SH3GLB1: variants seen among roughly 807,000 people sequenced by gnomAD.
The protein encoded by SH3GLB1 is SH3 domain containing GRB2 like, endophilin B1.
Under a neutral mutation model 42.0 loss-of-function variants are expected in SH3GLB1, and 17 were observed. The observed-to-expected ratio is 0.40, with a 90% CI of 0.28 to 0.61. The LOEUF (loss-of-function observed/expected upper bound fraction) is 0.61, where lower values mean the gene tolerates loss of function less well. Ranked by LOEUF, SH3GLB1 falls within the 20% of genes least tolerant of loss-of-function variation. The pLI, the probability that SH3GLB1 is intolerant of heterozygous loss-of-function variation, is 0.36. For missense variants in SH3GLB1, 355 were observed against 426.3 expected (o/e 0.83, Z 1.47); for synonymous variants, 132 against 146.6 (o/e 0.90, Z 0.72).
intron 2 of SH3GLB1, among the ~76,000 whole-genome samples, chr1:86,718,246 A>T (rs1654665525): frequency 6.6e-6 from 1 of 151,892 alleles, no homozygotes; most frequent in Non-Finnish European, 1.5e-5. Flanking sequence ...GGGTTTCACC[A>T]TGTCAGCCAG....
rs759669854 is a variant in SH3GLB1 at position 86,704,858 on chromosome 1, G to C, written c.-42G>C. On this transcript the variant is annotated 5_prime_UTR_variant, in exon 1 of 9. Transcript: ENST00000370558. ...AGCCCGGCCGCGGCACCTCCGCCTC[G>C]CCGCCGCTAGGTCGGCCGGCTCCGC... 3 of 1,446,254 alleles carry C rather than the reference G, an allele frequency of 2.1e-6. No individual in the cohort carries two copies. In the South Asian group the frequency reaches 3.8e-5, roughly 18 times the overall value. 89.6% of individuals were successfully genotyped at this position (1,446,254 alleles called of 1,614,324 possible). A position where few individuals can be genotyped will look rare whatever the true frequency, so the allele number is the denominator to read the frequency against.
intron 1 of SH3GLB1, 97 bp from the exon 2 acceptor site, chr1:86,715,627 A>G: frequency 8.3e-7 from 1 of 1,202,802 alleles, no homozygotes; most frequent in South Asian, 1.6e-5. Context: ...TTGTATGTTT[A>G]GGATTGTTTA....
Position 86,744,476 on chromosome 1 carries a change from G to T in SH3GLB1, c.*1241G>T, listed in dbSNP as rs1656206042. 6.6e-6 allele frequency: 1 copy of T among 152,154 alleles called. No homozygotes were observed. Among genetic ancestry groups the T allele is most frequent in the Non-Finnish European group, 1.5e-5 (1 of 68,024 alleles). The allele number at this position is 152,154 out of a possible 1,614,324, so 9.4% of individuals were successfully genotyped here. On this transcript the variant is annotated 3_prime_UTR_variant, in exon 9 of 9. Coordinates refer to ENST00000370558, the MANE Select transcript of SH3GLB1 (RefSeq NM_016009.5). ...ATAGTAGGATTCGTGGTGTGATGGG[G>T]AAAATACAAGGTACTGTATTTGGGA... is the stretch of plus-strand genomic sequence containing the variant.
intron 5 of SH3GLB1, among the ~76,000 whole-genome samples, chr1:86,733,518 G>T (rs1421292693): frequency 6.6e-6 from 1 of 151,774 alleles, no homozygotes; most frequent in Non-Finnish European, 1.5e-5. Flanking sequence ...TGCTGGAGAG[G>T]TAGTCAAACC....
intron 3 of SH3GLB1, among the ~76,000 whole-genome samples, chr1:86,720,008 A>C (rs1310454035): frequency 6.6e-6 from 1 of 151,634 alleles, no homozygotes; most frequent in African/African-American, 2.4e-5. Context: ...AAAAAAAAAA[A>C]AAAAAAAAAC....
chr1:86,736,206 G>T (rs1558332829), intron 7 of SH3GLB1, among the ~76,000 whole-genome samples: 1 of 152,246 alleles, frequency 6.6e-6, no homozygotes, highest in East Asian at 1.9e-4. Context: ...GTAAGTTGTT[G>T]TAAGGAGTTT....
At chr1:86,719,754 G>A (rs1654753791) in intron 3 of SH3GLB1, 119 bp downstream of exon 3, 1 of 959,340 alleles carries the variant, frequency 1.0e-6, no homozygotes, top group South Asian at 2.1e-5. Context: ...CCAGCACTTT[G>A]GGTGGTTGAG....
chr1:86,705,173 C>T (rs969905068), intron 1 of SH3GLB1, among the ~76,000 whole-genome samples: 1 of 152,154 alleles, frequency 6.6e-6, no homozygotes, highest in South Asian at 2.1e-4. Flanking sequence ...ACCGCCGCTC[C>T]CTGGGAAGCG....
At chr1:86,741,969 G>A (rs1368488765) in intron 7 of SH3GLB1, among the ~76,000 whole-genome samples, 1 of 152,004 alleles carries the variant, frequency 6.6e-6, no homozygotes, top group African/African-American at 2.4e-5. Flanking sequence ...AATATTATAA[G>A]GACAGTTTTG....
rs540253659 is a variant in SH3GLB1, at chr1:86,731,597, A to G, written c.571-3005A>G. Among the ~76,000 whole-genome samples, 3 of 152,324 alleles carry G rather than the reference A, an allele frequency of 2.0e-5. No homozygotes were observed. In the South Asian group the frequency reaches 6.2e-4, roughly 32 times the overall value. ...GAATGTCTTCCTCTTTGGCATAAAG[A>G]TATGCCAGAAAATTTCTGACTTGAT... On this transcript the variant is annotated intron_variant, in intron 5 of 8. Coordinates refer to ENST00000370558, the MANE Select transcript of SH3GLB1 (RefSeq NM_016009.5).
chr1:86,740,005 G>C (rs1409148700), intron 7 of SH3GLB1, among the ~76,000 whole-genome samples: 26 of 152,218 alleles, frequency 1.7e-4, no homozygotes, highest in Non-Finnish European at 1.5e-5. Flanking sequence ...AATTAACTGG[G>C]TGTGGAGGTG....
At chr1:86,709,975 A>C (rs866036576) in intron 1 of SH3GLB1, among the ~76,000 whole-genome samples, 1 of 152,158 alleles carries the variant, frequency 6.6e-6, no homozygotes. Context: ...CTGAAATCCT[A>C]TTTCTTTTAC....
intron 5 of SH3GLB1, among the ~76,000 whole-genome samples, chr1:86,727,148 C>T (rs570708150): frequency 2.6e-5 from 4 of 151,992 alleles, no homozygotes; most frequent in South Asian, 2.1e-4. Flanking sequence ...AAATCTCTGC[C>T]GCCCTCAGTT....
At chr1:86,719,077 T>A (rs956846165) in intron 2 of SH3GLB1, among the ~76,000 whole-genome samples, 1 of 152,194 alleles carries the variant, frequency 6.6e-6, no homozygotes. Context: ...CAGATGTAAG[T>A]CTTTGGTTCT....
chr1:86,704,991 A>C lies in SH3GLB1; in HGVS notation c.72+20A>C. On this transcript the variant is annotated intron_variant, in intron 1 of 8. Coordinates refer to ENST00000370558, the MANE Select transcript of SH3GLB1 (RefSeq NM_016009.5). Reference sequence around the variant, plus strand: ...GTGCAGGTACCCTGGTGCTGGGGGGAAAAGGGGTGGCGGCGCCCGGGAAGG... The same window carrying C: ...GTGCAGGTACCCTGGTGCTGGGGGGCAAAGGGGTGGCGGCGCCCGGGAAGG... The C allele has an allele frequency of 6.5e-7, 1 of 1,535,662 alleles. No individual in the cohort carries two copies. The highest frequency in any genetic ancestry group is 8.8e-7 in the Non-Finnish European group (1 of 1,135,036).
intron 5 of SH3GLB1, among the ~76,000 whole-genome samples, chr1:86,724,892 A>AAAAATATAAATATATATATATATATATAT (rs1291454820): frequency 1.0e-5 from 1 of 99,700 alleles, no homozygotes; most frequent in Non-Finnish European, 1.8e-5. Context: ...AAAAAAAAAA[A>AAAAATATAAATATATATATATATATATAT]ATATATATAT....
chr1:86,708,036 G>T (rs1653974206), intron 1 of SH3GLB1, among the ~76,000 whole-genome samples: 1 of 152,098 alleles, frequency 6.6e-6, no homozygotes, highest in African/African-American at 2.4e-5. Context: ...GTTGGTTATG[G>T]GTTCATGAGG....
In SH3GLB1 at chr1:86,713,508, G is replaced by A. The variant is rs565842513; in HGVS notation, c.73-2216G>A. On this transcript the variant is annotated intron_variant, in intron 1 of 8. Transcript: ENST00000370558. ...ATATGTGTGAGGGTGATGCTAATGA[G>A]CTTAAAGAAATTGTGCAACTGGAAG... Among the ~76,000 whole-genome samples, 254 of 152,242 alleles carry A rather than the reference G, an allele frequency of 1.7e-3. 1 individual carries two copies. Among genetic ancestry groups the A allele is most frequent in the African/African-American group, 5.8e-3 (241 of 41,528 alleles).
At chr1:86,724,254 A>G (rs186459376) in intron 4 of SH3GLB1, 59 bp from the exon 5 acceptor site, 374 of 1,181,236 alleles carry the variant, frequency 3.2e-4, no homozygotes, top group Non-Finnish European at 4.3e-4. Flanking sequence ...TTAAATGTGT[A>G]TGCTCTTAAC....
Sources: allele counts gnomAD v4.1 joint callset (sites outside exome capture counted in the v4.1 genomes callset), GRCh38; gene constraint gnomAD v4.1.1; transcripts MANE v1.5; gene names NCBI Gene and HGNC (gene_info 2026-07-23, HGNC 2026-07-21).